The following WASHC5 variants were observed in gnomAD, a reference collection of about 807,000 sequenced individuals.
The protein encoded by WASHC5 is WASH complex subunit 5.
WASHC5 carries 101 observed loss-of-function variants against 150.4 expected under a neutral mutation model. The observed-to-expected ratio is 0.67, with a 90% CI of 0.57 to 0.79. WASHC5 has a LOEUF of 0.79. Ranked by LOEUF, WASHC5 falls within the 30% of genes least tolerant of loss-of-function variation. WASHC5 has a pLI of 0.00. For synonymous variants in WASHC5, 467 were observed against 491.2 expected (o/e 0.95, Z 0.65); for missense variants, 1,195 against 1,396.3 (o/e 0.86, Z 2.30).
chr8:125,082,274 C>T (rs533325122), intron 4 of WASHC5, 109 bp downstream of exon 4: 9 of 700,260 alleles, frequency 1.3e-5, no homozygotes, highest in African/African-American at 9.0e-5. Context: ...GCTCATTTCG[C>T]TTCTCTTTAA....
At chr8:125,061,643 AAAG>A (rs149522125) in intron 11 of WASHC5, among the ~76,000 whole-genome samples, 10,484 of 152,264 alleles carry the variant, frequency 0.069, 476 homozygotes, top group Middle Eastern at 0.27. Context: ...CTTGGAGGGC[AAAG>A]AAGAGACCAA....
chr8:125,048,450 T>C (rs1188815081), intron 19 of WASHC5, among the ~76,000 whole-genome samples: 3 of 152,248 alleles, frequency 2.0e-5, no homozygotes, highest in African/African-American at 7.2e-5. Flanking sequence ...CTGTTCAACA[T>C]CATTGGCATT....
At position 125,024,504 on chromosome 8, in the gene WASHC5, GACAGAA is replaced by G; in HGVS notation, c.*107_*112del. The G allele has an allele frequency of 1.3e-6, 1 of 792,364 alleles. No individual in the cohort carries two copies. Among genetic ancestry groups the G allele is most frequent in the South Asian group, 1.4e-5 (1 of 71,576 alleles). 49.1% of individuals were successfully genotyped at this position (792,364 alleles called of 1,614,324 possible). On this transcript the variant is annotated 3_prime_UTR_variant, in exon 29 of 29. Coordinates refer to ENST00000318410, the MANE Select transcript of WASHC5 (RefSeq NM_014846.4). ...AGAACGTCTGATGTTTCCCATAATA[GACAGAA>G]AAAATGCAGTTGTATGAGCAACTGA... is the stretch of plus-strand genomic sequence containing the variant.
At chr8:125,084,118 A>C (rs1479097232) in intron 1 of WASHC5, 96 bp from the exon 2 acceptor site, 1 of 538,526 alleles carries the variant, frequency 1.9e-6, no homozygotes, top group Non-Finnish European at 3.3e-6. Context: ...TCACTAAAAA[A>C]ATTTTAAGAA....
intron 1 of WASHC5, among the ~76,000 whole-genome samples, chr8:125,085,310 C>T (rs987052423): frequency 5.3e-5 from 8 of 152,114 alleles, no homozygotes; most frequent in African/African-American, 1.7e-4. Flanking sequence ...TCTAGGAATT[C>T]GGGGCTAGAG....
chr8:125,081,154 C>T (rs1368644492), intron 5 of WASHC5, among the ~76,000 whole-genome samples: 1 of 150,834 alleles, frequency 6.6e-6, no homozygotes, highest in Non-Finnish European at 1.5e-5. Context: ...ATATGTAATA[C>T]ATAGATTATA....
intron 9 of WASHC5, among the ~76,000 whole-genome samples, chr8:125,070,977 A>G (rs16900351): frequency 0.026 from 3,996 of 152,314 alleles, 181 homozygotes; most frequent in African/African-American, 0.092. Context: ...CTTGGCTGGA[A>G]GAGCTGTGAG....
chr8:125,040,044 T>G, intron 23 of WASHC5, 146 bp from the exon 24 acceptor site: 2 of 690,484 alleles, frequency 2.9e-6, no homozygotes, highest in Non-Finnish European at 2.6e-6. Flanking sequence ...AACTGATCTC[T>G]TGGCTAAGAC....
chr8:125,045,505 G>T (rs76167090), intron 20 of WASHC5, among the ~76,000 whole-genome samples: 4,252 of 152,234 alleles, frequency 0.028, 203 homozygotes, highest in African/African-American at 0.098. Flanking sequence ...AAATACAGAT[G>T]CCCAGCTTCC....
intron 28 of WASHC5, among the ~76,000 whole-genome samples, chr8:125,024,903 C>T (rs1815332473): frequency 6.6e-6 from 1 of 151,994 alleles, no homozygotes; most frequent in Non-Finnish European, 1.5e-5. Flanking sequence ...GCTCTCCCGC[C>T]TCCAAATCTG....
In WASHC5 at chr8:125,050,607, G is replaced by A. The variant is rs750066369; in HGVS notation, c.2156C>T (p.Ala719Val). ...GIRKELVKRVAFALHRGLIFN... is the reference protein window; with the variant it reads ...GIRKELVKRVVFALHRGLIFN... ...TATCAGTCCCCTATGCAGGGCAAAG[G>A]CAACGCGCTTCACAAGCTCTTTCCT... Residue 719 changes from alanine to valine, a missense_variant, in exon 18 of 29, where the codon GCC becomes GTC. Transcript: ENST00000318410. The A allele has an allele frequency of 6.2e-7, 1 of 1,614,116 alleles. No homozygotes were observed. The highest frequency in any genetic ancestry group is 8.5e-7 in the Non-Finnish European group (1 of 1,179,992).
At chr8:125,025,748 A>AT (rs997225443) in intron 28 of WASHC5, among the ~76,000 whole-genome samples, 2 of 152,052 alleles carry the variant, frequency 1.3e-5, no homozygotes, top group Non-Finnish European at 2.9e-5. Flanking sequence ...TTAAAAAAAT[A>AT]TTTTTTTAAT....
Position 125,047,264 on chromosome 8 carries a change from T to C in WASHC5, c.2447A>G (p.Glu816Gly), listed in dbSNP as rs753623525. 1 of 1,614,120 alleles carries C rather than the reference T, an allele frequency of 6.2e-7. No individual in the cohort carries two copies. The highest frequency in any genetic ancestry group is 8.5e-7 in the Non-Finnish European group (1 of 1,179,958). ...GAGTCGACCAATAAACGTTACAGACTCATCCACAGGGGTAAACTTGGGTAT... is the reference window on the plus strand; with the variant it reads ...GAGTCGACCAATAAACGTTACAGACCCATCCACAGGGGTAAACTTGGGTAT... ...IPIPKFTPVD[E>G]SVTFIGRLCR... Residue 816 changes from glutamate to glycine, a missense_variant, in exon 20 of 29, where the codon GAG becomes GGG. Around this residue, in one of 3 missense-constraint regions of WASHC5, gnomAD observed 997 missense variants for 1,168.1 expected, o/e 0.85. Transcript: ENST00000318410.
At chr8:125,071,507 G>T (rs569079841) in intron 9 of WASHC5, among the ~76,000 whole-genome samples, 1 of 152,254 alleles carries the variant, frequency 6.6e-6, no homozygotes, top group South Asian at 2.1e-4. Flanking sequence ...TTTCAAAATC[G>T]TATCACTTAT....
chr8:125,081,615 T>C, intron 5 of WASHC5, 46 bp downstream of exon 5: 2 of 1,059,520 alleles, frequency 1.9e-6, no homozygotes, highest in Non-Finnish European at 2.9e-6. Flanking sequence ...ACACTGCATT[T>C]TACCGACAGC....
intron 26 of WASHC5, among the ~76,000 whole-genome samples, chr8:125,036,930 T>C (rs907855840): frequency 2.0e-5 from 3 of 152,150 alleles, no homozygotes; most frequent in Non-Finnish European, 4.4e-5. Context: ...GGAGAATCGC[T>C]TGAACCTGCG....
At chr8:125,083,367 TAAAGC>T (rs1817327672) in intron 2 of WASHC5, 109 bp from the exon 3 acceptor site, 18 of 977,952 alleles carry the variant, frequency 1.8e-5, no homozygotes, top group Non-Finnish European at 2.6e-5. Flanking sequence ...ATCCCAAACT[TAAAGC>T]AGAGCAACAG....
intron 26 of WASHC5, among the ~76,000 whole-genome samples, chr8:125,035,933 A>T (rs1815690228): frequency 6.6e-6 from 1 of 152,258 alleles, no homozygotes; most frequent in African/African-American, 2.4e-5. Flanking sequence ...GTGGATTTTT[A>T]AAAATGTCAT....
chr8:125,057,514 G>C (rs746499867), intron 15 of WASHC5, 42 bp downstream of exon 15: 4 of 1,278,872 alleles, frequency 3.1e-6, no homozygotes, highest in Non-Finnish European at 3.4e-6. Flanking sequence ...TAAAACAGCA[G>C]TTATCTGGCA....
Sources: allele counts gnomAD v4.1 joint callset (sites outside exome capture counted in the v4.1 genomes callset), GRCh38; gene constraint gnomAD v4.1.1; regional missense constraint gnomAD v4.1.1; transcripts MANE v1.5; gene names NCBI Gene and HGNC (gene_info 2026-07-23, HGNC 2026-07-21).